Variants in ZMYM5 observed in about 807,000 individuals in gnomAD.
ZMYM5 encodes zinc finger MYM-type containing 5.
ZMYM5 carries 41 observed loss-of-function variants against 61.8 expected under a neutral mutation model. The ratio of observed to expected loss-of-function variants is 0.66; its 90% CI spans 0.52 to 0.86. ZMYM5 has a LOEUF of 0.86. Among genes scored for constraint, ZMYM5 ranks in the 40% least tolerant of loss-of-function variants. The pLI, the probability that ZMYM5 is intolerant of heterozygous loss-of-function variation, is 0.00. For missense variants in ZMYM5, 706 were observed against 786.7 expected, an observed-to-expected ratio of 0.90 and a Z score of 1.23; for synonymous variants, 257 against 276.4, an observed-to-expected ratio of 0.93 and a Z score of 0.70.
chr13:19,858,809 T>G (rs1953607936), intron 2 of ZMYM5, among the ~76,000 whole-genome samples: 1 of 152,064 alleles, frequency 6.6e-6, no homozygotes, highest in Non-Finnish European at 1.5e-5. Context: ...CATTCTGATT[T>G]CCACTGTAGG....
intron 2 of ZMYM5, among the ~76,000 whole-genome samples, chr13:19,853,603 T>A (rs1223189910): frequency 1.3e-5 from 2 of 150,928 alleles, no homozygotes; most frequent in Admixed American, 1.3e-4. Flanking sequence ...TGGCCTCAGT[T>A]TTTTTTTTCT....
intron 7 of ZMYM5, among the ~76,000 whole-genome samples, chr13:19,831,963 C>T (rs1367099261): frequency 1.3e-5 from 2 of 151,140 alleles, no homozygotes; most frequent in African/African-American, 4.9e-5. Context: ...TCAAGCGATT[C>T]TCTTGCCTCA....
chr13:19,849,235 C>T (rs1481739893), intron 4 of ZMYM5, among the ~76,000 whole-genome samples: 1 of 152,072 alleles, frequency 6.6e-6, no homozygotes, highest in South Asian at 2.1e-4. Flanking sequence ...ACTGACCCAT[C>T]GCAGCTTCCT....
chr13:19,840,845 T>A (rs574347859), intron 4 of ZMYM5, among the ~76,000 whole-genome samples: 1 of 152,038 alleles, frequency 6.6e-6, no homozygotes, highest in South Asian at 2.1e-4. Context: ...GCCCGGCTAA[T>A]TTTTTGTATT....
intron 4 of ZMYM5, among the ~76,000 whole-genome samples, chr13:19,849,711 GGC>G (rs1416368369): frequency 6.6e-6 from 1 of 152,106 alleles, no homozygotes; most frequent in African/African-American, 2.4e-5. Context: ...CGGGCGCGGT[GGC>G]TCAGGCCTGT....
chr13:19,843,651 C>T (rs1013077272), intron 4 of ZMYM5: 3 of 151,694 alleles, frequency 2.0e-5, no homozygotes, highest in Non-Finnish European at 4.4e-5. Context: ...GTCCGGGCAA[C>T]ATGGAGAAAC....
At chr13:19,860,884 T>TG (rs60555072) in intron 2 of ZMYM5, among the ~76,000 whole-genome samples, 4,550 of 89,986 alleles carry the variant, frequency 0.051, 74 homozygotes, top group East Asian at 0.07. Flanking sequence ...ATATCTCAGG[T>TG]GGGGGGGGGG....
intron 5 of ZMYM5, 61 bp from the exon 6 acceptor site, chr13:19,837,882 T>C: frequency 6.7e-7 from 1 of 1,491,084 alleles, no homozygotes; most frequent in Non-Finnish European, 8.9e-7. Context: ...AAGTCAAATA[T>C]ATTAATAATA....
chr13:19,853,942 T>C (rs1193149689), intron 2 of ZMYM5, among the ~76,000 whole-genome samples: 1 of 152,124 alleles, frequency 6.6e-6, no homozygotes, highest in Non-Finnish European at 1.5e-5. Flanking sequence ...TTTACAGGTG[T>C]TGAATGATTA....
chr13:19,843,821 G>C (rs1232175962), intron 4 of ZMYM5: 3 of 148,126 alleles, frequency 2.0e-5, no homozygotes, highest in Non-Finnish European at 4.4e-5. Context: ...GGGTGACAGA[G>C]TGAGACTCTG....
chr13:19,824,211 T>C lies in ZMYM5; in HGVS notation c.*266A>G, dbSNP rs1490555610. 4 of 163,106 alleles carry C rather than the reference T, an allele frequency of 2.5e-5. No homozygotes were observed. The highest frequency in any genetic ancestry group is 3.9e-5 in the Non-Finnish European group (3 of 76,578). The allele number at this position is 163,106 out of a possible 1,614,324, so 10.1% of individuals were successfully genotyped here. ...CAATTTTTAAATAGGTGTAAATTGATAGATTTTGAAGATTAACAATTACCT... is the reference window on the plus strand; with the variant it reads ...CAATTTTTAAATAGGTGTAAATTGACAGATTTTGAAGATTAACAATTACCT... On this transcript the variant is annotated 3_prime_UTR_variant, in exon 8 of 8. Transcript: ENST00000337963.
rs1345122362 is a variant in ZMYM5 at position 19,863,537 on chromosome 13, A to G, written c.-166T>C. ...CCTGGACTGGAAAGACAGCGGGGAT[A>G]AGCGTCACCCGGTTCTGGCTGCGGC... is the stretch of plus-strand genomic sequence containing the variant. On this transcript the variant is annotated 5_prime_UTR_variant, in exon 1 of 8. Coordinates refer to ENST00000337963, the MANE Select transcript of ZMYM5 (RefSeq NM_001142684.2). The G allele has an allele frequency of 6.5e-6, 1 of 152,758 alleles. No individual in the cohort carries two copies. Among genetic ancestry groups the G allele is most frequent in the Non-Finnish European group, 1.5e-5 (1 of 68,266 alleles). The allele number at this position is 152,758 out of a possible 1,614,324, so 9.5% of individuals were successfully genotyped here.
intron 7 of ZMYM5, among the ~76,000 whole-genome samples, chr13:19,834,314 AT>A (rs1344908934): frequency 3.4e-5 from 4 of 118,298 alleles, no homozygotes; most frequent in East Asian, 2.8e-4. Flanking sequence ...AAGAAAAAAA[AT>A]TTTTTTCCAA....
intron 2 of ZMYM5, 120 bp from the exon 3 acceptor site, chr13:19,852,310 T>G: frequency 9.2e-7 from 1 of 1,089,170 alleles, no homozygotes; most frequent in East Asian, 2.5e-5. Context: ...ATATCCATTT[T>G]GTTTTTCCTC....
intron 2 of ZMYM5, among the ~76,000 whole-genome samples, chr13:19,854,627 CAAAAAAAAA>C (rs58132634): frequency 4.8e-5 from 6 of 123,894 alleles, no homozygotes; most frequent in Non-Finnish European, 9.7e-5. Flanking sequence ...GACTTCGTCT[CAAAAAAAAA>C]AAAAAAAAAC....
At chr13:19,850,219 T>TA (rs1207776989) in intron 4 of ZMYM5, among the ~76,000 whole-genome samples, 1 of 152,180 alleles carries the variant, frequency 6.6e-6, no homozygotes, top group Non-Finnish European at 1.5e-5. Context: ...ACTATCTATA[T>TA]AAGTTCTAAA....
rs1157523100 is a variant in ZMYM5 at position 19,824,464 on chromosome 13, C to A, written c.*13G>T. 2 of 1,275,976 alleles carry A rather than the reference C, an allele frequency of 1.6e-6. No homozygotes were observed. Among genetic ancestry groups the A allele is most frequent in the Non-Finnish European group, 2.0e-6 (2 of 984,952 alleles). 79.0% of individuals were successfully genotyped at this position (1,275,976 alleles called of 1,614,324 possible). A position where few individuals can be genotyped will look rare whatever the true frequency, so the allele number is the denominator to read the frequency against. ...AGATTCTGATCATCATGCCAAAAAA[C>A]AACTCAGGTATATTACGTGTACAAC... On this transcript the variant is annotated 3_prime_UTR_variant, in exon 8 of 8. Coordinates refer to ENST00000337963, the MANE Select transcript of ZMYM5 (RefSeq NM_001142684.2).
chr13:19,834,935 T>C (rs1386047228), intron 7 of ZMYM5, among the ~76,000 whole-genome samples: 3 of 152,030 alleles, frequency 2.0e-5, no homozygotes, highest in Non-Finnish European at 4.4e-5. Context: ...GTGATCTGCC[T>C]GCCTTGGCCA....
chr13:19,845,751 G>A (rs770018176), intron 4 of ZMYM5, among the ~76,000 whole-genome samples: 10 of 152,194 alleles, frequency 6.6e-5, no homozygotes, highest in Non-Finnish European at 8.8e-5. Context: ...AGGTCTGGGA[G>A]GGTCCCAAAT....
Sources: gnomAD v4.1 joint callset for allele counts (sites outside exome capture counted in the v4.1 genomes callset) on GRCh38, gnomAD v4.1.1 for gene constraint, MANE v1.5 for transcripts, NCBI Gene and HGNC (gene_info 2026-07-23, HGNC 2026-07-21) for gene names.